Variants in AHNAK2 observed in about 807,000 individuals in gnomAD.
AHNAK2 encodes the protein AHNAK nucleoprotein 2.
AHNAK2 carries 18 observed loss-of-function variants against 30.7 expected under a neutral mutation model. The ratio of observed to expected loss-of-function variants is 0.59; its 90% CI spans 0.41 to 0.87. AHNAK2 has a LOEUF of 0.87. AHNAK2 is among the 40% of genes least tolerant of loss of function. The probability of loss-of-function intolerance (pLI) is 0.00; values close to 1 mark genes in which losing one functional copy is unlikely to be tolerated. For missense variants in AHNAK2, 8,604 were observed against 7,373.0 expected, an observed-to-expected ratio of 1.17 and a Z score of -6.11; for synonymous variants, 3,590 against 3,073.8, an observed-to-expected ratio of 1.17 and a Z score of -5.56.
intron 1 of AHNAK2, among the ~76,000 whole-genome samples, chr14:104,959,052 A>G (rs913142325): frequency 6.6e-6 from 1 of 152,230 alleles, no homozygotes; most frequent in Non-Finnish European, 1.5e-5. Context: ...AAGGCAAAAT[A>G]GTCTGGGCAT....
intron 1 of AHNAK2, among the ~76,000 whole-genome samples, chr14:104,973,896 G>C (rs565153931): frequency 6.6e-6 from 1 of 152,214 alleles, no homozygotes; most frequent in South Asian, 2.1e-4. Flanking sequence ...CCGGAGGGGA[G>C]GGGAGGGCGG....
chr14:104,943,946 G>A lies in AHNAK2; in HGVS notation c.11505C>T (p.Ala3835=), dbSNP rs374070589. ...CCTGCATGGAGGGGAGACTCACATC[G>A]GCCTCCACCTTGGGTGCAGACACGT... ...SVHVSAPKVE[A]DVSLPSMQGD... is the part of the protein sequence containing the mutation. The change falls in exon 7 of 7, where the codon GCC becomes GCT. Residue 3835 remains alanine (A), a synonymous_variant. Transcript: ENST00000333244. 2.2e-5 allele frequency: 35 copies of A among 1,612,806 alleles called. No homozygotes were observed. The highest frequency in any genetic ancestry group is 1.7e-4 in the Middle Eastern group (1 of 6,052).
At chr14:104,960,308 A>G (rs77347348) in intron 1 of AHNAK2, among the ~76,000 whole-genome samples, 3,730 of 152,306 alleles carry the variant, frequency 0.024, 56 homozygotes, top group Middle Eastern at 0.082. Context: ...ATGTTCTCCC[A>G]AAAATTGCAC....
chr14:104,942,328 C>A lies in AHNAK2; in HGVS notation c.13123G>T (p.Ala4375Ser), dbSNP rs769372087. 6.2e-7 allele frequency: 1 copy of A among 1,613,304 alleles called. No homozygotes were observed. The highest frequency in any genetic ancestry group is 8.5e-7 in the Non-Finnish European group (1 of 1,179,838). ...TTCGGCAGGTGCCCTTTGAGGCCGG[C>A]TCCCTCATGCACAGGGCCCTCTGGG... ...KLPEGPVHEG[A>S]GLKGHLPKLQ... Residue 4375 changes from alanine to serine, a missense_variant, in exon 7 of 7, where the codon GCC (alanine) becomes TCC (serine). Transcript: ENST00000333244.
chr14:104,965,727 C>A (rs897968108), intron 1 of AHNAK2, among the ~76,000 whole-genome samples: 2 of 152,330 alleles, frequency 1.3e-5, no homozygotes, highest in South Asian at 4.1e-4. Context: ...TGCTCCCTGT[C>A]CCCTGCGGTA....
At chr14:104,965,621 C>G (rs1479848783) in intron 1 of AHNAK2, among the ~76,000 whole-genome samples, 1 of 152,174 alleles carries the variant, frequency 6.6e-6, no homozygotes, top group African/African-American at 2.4e-5. Flanking sequence ...AACTAAGGCC[C>G]CCATCCCTGC....
At chr14:104,964,668 A>G (rs1710317942) in intron 1 of AHNAK2, among the ~76,000 whole-genome samples, 1 of 152,240 alleles carries the variant, frequency 6.6e-6, no homozygotes, top group South Asian at 2.1e-4. Flanking sequence ...CACAAACACA[A>G]GGTTGAGACA....
rs764864591 is a variant in AHNAK2 at position 104,953,303 on chromosome 14, C to A, written c.2148G>T (p.Gly716=). The A allele has an allele frequency of 6.2e-7, 1 of 1,613,100 alleles. No homozygotes were observed. Among genetic ancestry groups the A allele is most frequent in the Admixed American group, 1.7e-5 (1 of 59,952 alleles). The change falls in exon 7 of 7, where the codon GGG becomes GGT. Residue 716 remains glycine, a synonymous_variant. Transcript: ENST00000333244. The stretch of plus-strand genomic sequence containing the variant: ...CGCTGAGGTCAGTGGTCTTGAGGTC[C>A]CCCTGCATGGAGAGGAGGCTCACGT... ...EADVSLLSMQ[G]DLKTTDLSVQ...
At position 104,956,717 on chromosome 14, in the gene AHNAK2, C is replaced by T. The variant is rs1898986653; in HGVS notation, c.214-28G>A. The T allele has an allele frequency of 1.9e-6, 3 of 1,609,012 alleles. No homozygotes were observed. The East Asian group carries it at 6.7e-5, about 36-fold the overall frequency. On this transcript the variant is annotated intron_variant, in intron 3 of 6. Transcript: ENST00000333244. ...GCAGCCACAAGTGTTGGGAGTTAGGCACCTGCCCCAGCTCAGGGACAGGGA... is the reference window on the plus strand; with the variant it reads ...GCAGCCACAAGTGTTGGGAGTTAGGTACCTGCCCCAGCTCAGGGACAGGGA...
intron 1 of AHNAK2, among the ~76,000 whole-genome samples, chr14:104,977,654 G>C (rs1177465563): frequency 6.6e-6 from 1 of 152,158 alleles, no homozygotes; most frequent in Non-Finnish European, 1.5e-5. Flanking sequence ...GGACCAAAGT[G>C]GAGAGCCCAG....
rs367913008 is a variant in AHNAK2 at position 104,952,010 on chromosome 14, C to A, written c.3441G>T (p.Gly1147=). 5.2e-5 allele frequency: 84 copies of A among 1,612,238 alleles called. No individual in the cohort carries two copies. Among genetic ancestry groups the A allele is most frequent in the Admixed American group, 2.5e-4 (15 of 59,898 alleles). The change falls in exon 7 of 7, where the codon GGG becomes GGT. Residue 1147 remains glycine, a synonymous_variant. Coordinates refer to ENST00000333244, the MANE Select transcript of AHNAK2 (RefSeq NM_138420.4). ...CATCCTTGTCGGCCAGGGACAGTTC[C>A]CCCTCCAGCCGCGCACTGTCCAGCT... ...GAKLDSARLE[G]ELSLADKDVT...
Position 104,939,769 on chromosome 14 carries a change from C to T in AHNAK2, c.15682G>A (p.Ala5228Thr). ...AGGAACTCTTTGACTTTAGCTGCTG[C>T]TTCACCCCCTGTTGCTGCCGGTGCC... ...TQAPAATGGEAAAKVKEFLVS... is the reference protein window; with the variant it reads ...TQAPAATGGETAAKVKEFLVS... Residue 5228 changes from alanine (A) to threonine (T), a missense_variant, in exon 7 of 7, where the codon GCA becomes ACA. Coordinates refer to ENST00000333244, the MANE Select transcript of AHNAK2 (RefSeq NM_138420.4). 6.2e-7 allele frequency: 1 copy of T among 1,613,832 alleles called. No individual in the cohort carries two copies. The highest frequency in any genetic ancestry group is 8.5e-7 in the Non-Finnish European group (1 of 1,179,900).
rs762642620 is a variant in AHNAK2, at chr14:104,953,368, C to T, written c.2083G>A (p.Glu695Lys). ...FGASAPGKSMEASVDVSAPKV... is the reference protein window; with the variant it reads ...FGASAPGKSMKASVDVSAPKV... ...GGCGCAGACACATCCACCGAGGCCT[C>T]CATGGACTTGCCTGGGGCTGACGCC... The change falls in exon 7 of 7, where the codon GAG becomes AAG. Residue 695 changes from glutamate (E) to lysine (K), a missense_variant. Glu to Lys is a moderately conservative substitution (Grantham distance 56). Transcript: ENST00000333244. The T allele has an allele frequency of 6.2e-7, 1 of 1,613,758 alleles. No individual in the cohort carries two copies. The highest frequency in any genetic ancestry group is 1.3e-5 in the African/African-American group (1 of 74,844).
chr14:104,941,239 A>G lies in AHNAK2; in HGVS notation c.14212T>C (p.Ser4738Pro), dbSNP rs1326250567. ...AATTCAAAACTTGAGCATTCTGAAG[A>G]TGATAAAGGAATCGTGGAAAGACCT... ...SIGLSTIPLS[S>P]SECSSFELQQ... Residue 4738 changes from serine to proline, a missense_variant, in exon 7 of 7, where the codon TCT (serine) becomes CCT (proline). Ser to Pro is a moderately conservative substitution (Grantham distance 74). Coordinates refer to ENST00000333244, the MANE Select transcript of AHNAK2 (RefSeq NM_138420.4). The G allele has an allele frequency of 6.2e-7, 1 of 1,613,538 alleles. No individual in the cohort carries two copies. Among genetic ancestry groups the G allele is most frequent in the African/African-American group, 1.3e-5 (1 of 74,934 alleles).
intron 1 of AHNAK2, among the ~76,000 whole-genome samples, chr14:104,961,019 T>C (rs1306814657): frequency 6.6e-6 from 1 of 151,550 alleles, no homozygotes; most frequent in Non-Finnish European, 1.5e-5. Context: ...TAATCCCAGC[T>C]ACTCAAGAAG....
Position 104,947,843 on chromosome 14 carries a change from A to G in AHNAK2, c.7608T>C (p.Pro2536=), listed in dbSNP as rs1186279177. The G allele has an allele frequency of 4.3e-6, 7 of 1,611,096 alleles. No homozygotes were observed. The South Asian group carries it at 4.4e-5, about 10-fold the overall frequency. The change falls in exon 7 of 7, where the codon CCT becomes CCC. Residue 2536 remains proline (P), a synonymous_variant. Coordinates refer to ENST00000333244, the MANE Select transcript of AHNAK2 (RefSeq NM_138420.4). The part of the protein sequence containing the change: ...LKATDLSIQP[P]SADLEVQAGQ... ...CAGCCTGGACCTCCAGGTCAGCGGA[A>G]GGGGGCTGAATGCTGAGGTCAGTGG...
rs765118666 is a variant in AHNAK2, at chr14:104,957,666, C to G, written c.62G>C (p.Gly21Ala). 12 of 1,610,292 alleles carry G rather than the reference C, an allele frequency of 7.5e-6. No individual in the cohort carries two copies. In the South Asian group the frequency reaches 1.3e-4, roughly 18 times the overall value. The change falls in exon 2 of 7, where the codon GGC (glycine) becomes GCC (alanine). Residue 21 changes from glycine to alanine, a missense_variant. By Grantham distance (60) the Gly-to-Ala change is moderately conservative. Transcript: ENST00000333244. ...TWPGTPGSVS[G>A]RQLQPGEPGA... ...TGGCTCCCCGGGCTGCAGCTGACGG[C>G]CGGACACTGCAGAGAGAGTGGCTGT...
At chr14:104,976,958 G>A (rs896156634) in intron 1 of AHNAK2, among the ~76,000 whole-genome samples, 7 of 152,168 alleles carry the variant, frequency 4.6e-5, no homozygotes, top group East Asian at 1.9e-4. Flanking sequence ...TCATCCTCCC[G>A]CTGCTGTGCC....
chr14:104,947,671 C>A lies in AHNAK2; in HGVS notation c.7780G>T (p.Asp2594Tyr), dbSNP rs1277476257. The A allele has an allele frequency of 1.9e-6, 3 of 1,613,130 alleles. No individual in the cohort carries two copies. The highest frequency in any genetic ancestry group is 1.7e-4 in the Middle Eastern group (1 of 6,046). Residue 2594 changes from aspartate (D) to tyrosine (Y), a missense_variant, in exon 7 of 7, where the codon GAC becomes TAC. Physicochemically the swap from Asp to Tyr is radical, Grantham distance 160 (BLOSUM62 -3). Coordinates refer to ENST00000333244, the MANE Select transcript of AHNAK2 (RefSeq NM_138420.4). ...PQLDVKGPKL[D>Y]LKGPKAEVTA... ...ACTTCCGCCTTGGGGCCTTTCAGGT[C>A]CAGCTTGGGGCCCTTGACATCTAGC...
Sources: gnomAD v4.1 joint callset for allele counts (sites outside exome capture counted in the v4.1 genomes callset) on GRCh38, gnomAD v4.1.1 for gene constraint, MANE v1.5 for transcripts, NCBI Gene and HGNC (gene_info 2026-07-23, HGNC 2026-07-21) for gene names.